Variants in MSR1 observed in about 807,000 individuals in gnomAD.
The protein encoded by MSR1 is macrophage scavenger receptor types I and II.
MSR1 carries 53 observed loss-of-function variants against 47.2 expected under a neutral mutation model. That is an observed-to-expected ratio of 1.12 (90% confidence interval 0.90 to 1.41). MSR1 has a LOEUF of 1.41. MSR1 is among the 40% of genes most tolerant of loss of function. MSR1 has a pLI of 0.00. For synonymous variants in MSR1, 239 were observed against 185.6 expected, an observed-to-expected ratio of 1.29 and a Z score of -2.34; for missense variants, 786 against 546.9, an observed-to-expected ratio of 1.44 and a Z score of -4.36.
At position 16,155,112 on chromosome 8, in the gene MSR1, G is replaced by T. The variant is rs762856785; in HGVS notation, c.850C>A (p.Arg284=). ...GGACCACTTTCTCCAGTGGGACCTCGATCTCCTTTTTCACCCGGGGGTCCA... is the reference window on the plus strand; with the variant it reads ...GGACCACTTTCTCCAGTGGGACCTCTATCTCCTTTTTCACCCGGGGGTCCA... ...PPGPPGEKGD[R]GPTGESGPRG... The change falls in exon 6 of 10, where the codon CGA becomes AGA. Residue 284 remains arginine, a synonymous_variant. Transcript: ENST00000262101. The T allele has an allele frequency of 6.2e-7, 1 of 1,612,180 alleles. No individual in the cohort carries two copies. The highest frequency in any genetic ancestry group is 1.7e-5 in the Admixed American group (1 of 59,812).
Position 16,164,249 on chromosome 8 carries a change from T to C in MSR1, c.633A>G (p.Glu211=). ...IQENTFKQQE[E]ISKLEERVYN... ...AAACACGCTCCTCTAATTTACTGAT[T>C]TCCTGTAAAACATAAGTGAGCATTC... is the stretch of plus-strand genomic sequence containing the variant. Residue 211 remains glutamate (E), a splice_region_variant and synonymous_variant, in exon 5 of 10, where the codon GAA becomes GAG. Coordinates refer to ENST00000262101, the MANE Select transcript of MSR1 (RefSeq NM_138715.3). The C allele has an allele frequency of 6.2e-7, 1 of 1,610,814 alleles. No homozygotes were observed. Among genetic ancestry groups the C allele is most frequent in the African/African-American group, 1.3e-5 (1 of 74,998 alleles).
At chr8:16,174,078 C>G (rs1015997510) in intron 3 of MSR1, among the ~76,000 whole-genome samples, 5 of 152,122 alleles carry the variant, frequency 3.3e-5, no homozygotes, top group Non-Finnish European at 5.9e-5. Context: ...ACTGAGCTGT[C>G]TGAATTTTCT....
At chr8:16,141,306 AG>A (rs1317461800) in intron 8 of MSR1, among the ~76,000 whole-genome samples, 1 of 152,196 alleles carries the variant, frequency 6.6e-6, no homozygotes, top group Admixed American at 6.5e-5. Context: ...CCTATTAAAA[AG>A]TATTCCCACA....
intron 1 of MSR1, among the ~76,000 whole-genome samples, chr8:16,182,916 CT>C (rs1197549454): frequency 1.3e-5 from 2 of 152,130 alleles, no homozygotes; most frequent in African/African-American, 4.8e-5. Flanking sequence ...ACTTACGTAA[CT>C]GTATGTGCTA....
intron 8 of MSR1, chr8:16,139,457 G>T: frequency 1.0e-6 from 1 of 979,388 alleles, no homozygotes; most frequent in Non-Finnish European, 1.2e-6. Flanking sequence ...GAGATACACA[G>T]AGGCATACCA....
At chr8:16,175,419 A>G (rs1434075102) in intron 2 of MSR1, 119 bp from the exon 3 acceptor site, 1 of 891,342 alleles carries the variant, frequency 1.1e-6, no homozygotes, top group African/African-American at 1.7e-5. Context: ...AAAAAGAAGA[A>G]AAAATGTTCC....
At chr8:16,133,052 A>G (rs1048509657) in intron 8 of MSR1, among the ~76,000 whole-genome samples, 1 of 152,094 alleles carries the variant, frequency 6.6e-6, no homozygotes, top group Non-Finnish European at 1.5e-5. Context: ...TGTTAGTTTT[A>G]TGAGGTGAAT....
At chr8:16,130,209 T>C (rs988222111) in intron 8 of MSR1, among the ~76,000 whole-genome samples, 4 of 152,180 alleles carry the variant, frequency 2.6e-5, no homozygotes, top group Admixed American at 1.3e-4. Context: ...TACAGGTATA[T>C]CCTGTTTTAT....
At chr8:16,134,189 T>G (rs1261523966) in intron 8 of MSR1, among the ~76,000 whole-genome samples, 1 of 152,154 alleles carries the variant, frequency 6.6e-6, no homozygotes, top group Non-Finnish European at 1.5e-5. Flanking sequence ...TTCATGTGTG[T>G]TCTTGGTTCC....
Position 16,110,055 on chromosome 8 carries a change from T to C in MSR1, c.*30A>G. 1 of 1,612,750 alleles carries C rather than the reference T, an allele frequency of 6.2e-7. No homozygotes were observed. The highest frequency in any genetic ancestry group is 8.5e-7 in the Non-Finnish European group (1 of 1,179,138). ...TAATAAAATCATTTTTGAGCAGCGATTTCATAGTTGTGAATGAAAATATGA... is the reference window on the plus strand; with the variant it reads ...TAATAAAATCATTTTTGAGCAGCGACTTCATAGTTGTGAATGAAAATATGA... On this transcript the variant is annotated 3_prime_UTR_variant, in exon 10 of 10. Coordinates refer to ENST00000262101, the MANE Select transcript of MSR1 (RefSeq NM_138715.3).
intron 1 of MSR1, chr8:16,186,008 T>C: frequency 1.5e-6 from 1 of 656,346 alleles, no homozygotes; most frequent in South Asian, 2.1e-5. Flanking sequence ...AAGAAGTTCG[T>C]GGCCTGCAAG....
intron 1 of MSR1, among the ~76,000 whole-genome samples, chr8:16,181,166 T>C (rs955370238): frequency 1.3e-5 from 2 of 152,164 alleles, no homozygotes; most frequent in African/African-American, 4.8e-5. Flanking sequence ...CAAAATTCAC[T>C]TTAAAATATA....
chr8:16,126,700 T>C (rs368206017), intron 8 of MSR1, among the ~76,000 whole-genome samples: 2 of 152,100 alleles, frequency 1.3e-5, no homozygotes, highest in Middle Eastern at 3.2e-3. Context: ...AGACAAGTAT[T>C]TGGGACAGAG....
At chr8:16,121,552 G>A (rs2117064551) in intron 8 of MSR1, among the ~76,000 whole-genome samples, 1 of 152,006 alleles carries the variant, frequency 6.6e-6, no homozygotes, top group South Asian at 2.1e-4. Flanking sequence ...GTATTATTCT[G>A]CTAAGTATTT....
chr8:16,146,121 T>C (rs1306325180), intron 7 of MSR1, among the ~76,000 whole-genome samples: 2 of 152,110 alleles, frequency 1.3e-5, no homozygotes, highest in Non-Finnish European at 2.9e-5. Flanking sequence ...TTACATGCCT[T>C]AATTACACTA....
At position 16,109,950 on chromosome 8, in the gene MSR1, A is replaced by C; in HGVS notation, c.*135T>G. 1 of 1,028,482 alleles carries C rather than the reference A, an allele frequency of 9.7e-7. No homozygotes were observed. The highest frequency in any genetic ancestry group is 1.6e-5 in the African/African-American group (1 of 62,786). The allele number at this position is 1,028,482 out of a possible 1,614,324, so 63.7% of individuals were successfully genotyped here. A position where few individuals can be genotyped will look rare whatever the true frequency, so the allele number is the denominator to read the frequency against. ...TAAGCATGAAGGTGTTCAATATATT[A>C]ATCCTGTAATCTAAAATATTATTTG... On this transcript the variant is annotated 3_prime_UTR_variant, in exon 10 of 10. Transcript: ENST00000262101.
chr8:16,116,237 C>G (rs1218364117), intron 9 of MSR1, among the ~76,000 whole-genome samples: 2 of 152,138 alleles, frequency 1.3e-5, no homozygotes, highest in Admixed American at 6.5e-5. Flanking sequence ...CAAAACAAAT[C>G]TGCCAGGTCA....
intron 5 of MSR1, among the ~76,000 whole-genome samples, chr8:16,163,338 A>G: frequency 6.6e-6 from 1 of 151,942 alleles, no homozygotes; most frequent in Non-Finnish European, 1.5e-5. Context: ...TATTCATTAC[A>G]AGAGACTAAC....
At chr8:16,162,199 T>G (rs536511122) in intron 5 of MSR1, among the ~76,000 whole-genome samples, 1 of 152,118 alleles carries the variant, frequency 6.6e-6, no homozygotes, top group Non-Finnish European at 1.5e-5. Context: ...GGCAGTCATT[T>G]TAAGAGCCAC....
Sources: allele counts gnomAD v4.1 joint callset (sites outside exome capture counted in the v4.1 genomes callset), GRCh38; gene constraint gnomAD v4.1.1; transcripts MANE v1.5; gene names NCBI Gene and HGNC (gene_info 2026-07-23, HGNC 2026-07-21).